The following MTSS1 variants were observed in gnomAD, a reference collection of about 807,000 sequenced individuals.
MTSS1 encodes protein MTSS 1.
MTSS1 carries 18 observed loss-of-function variants against 79.0 expected under a neutral mutation model. That is an observed-to-expected ratio of 0.23 (90% confidence interval 0.16 to 0.34). MTSS1 has a LOEUF of 0.34. Ranked by LOEUF, MTSS1 falls within the 10% of genes least tolerant of loss-of-function variation. The pLI is 1.00. For missense variants in MTSS1, 815 were observed against 986.2 expected, an observed-to-expected ratio of 0.83 and a Z score of 2.33; for synonymous variants, 341 against 368.6, an observed-to-expected ratio of 0.93 and a Z score of 0.86.
intron 3 of MTSS1, among the ~76,000 whole-genome samples, chr8:124,691,778 A>T (rs1224181817): frequency 6.6e-6 from 1 of 152,172 alleles, no homozygotes; most frequent in African/African-American, 2.4e-5. Flanking sequence ...TGCCTCCCAA[A>T]GCACTGGGAT....
chr8:124,653,128 C>T (rs1270217300), intron 3 of MTSS1, among the ~76,000 whole-genome samples: 3 of 152,194 alleles, frequency 2.0e-5, no homozygotes, highest in African/African-American at 7.2e-5. Context: ...AGGAGCTAGG[C>T]AGATGGGAAA....
chr8:124,623,225 A>T (rs1813961592), intron 3 of MTSS1, among the ~76,000 whole-genome samples: 1 of 152,194 alleles, frequency 6.6e-6, no homozygotes, highest in South Asian at 2.1e-4. Context: ...GAACTCACAC[A>T]CGTTTATCCT....
At chr8:124,565,893 A>T (rs4871501) in intron 8 of MTSS1, 134 bp from the exon 9 acceptor site, 356,595 of 545,248 alleles carry the variant, frequency 0.65, 118,032 homozygotes, top group Non-Finnish European at 0.67. Context: ...TGTTAAAAAA[A>T]TTTTTTTTAA....
chr8:124,678,348 G>C (rs199884231), intron 3 of MTSS1, among the ~76,000 whole-genome samples: 3 of 152,108 alleles, frequency 2.0e-5, no homozygotes, highest in African/African-American at 7.2e-5. Context: ...TTCTCAAATA[G>C]CCCCACCACT....
chr8:124,718,122 C>T (rs1239862430), intron 1 of MTSS1, among the ~76,000 whole-genome samples: 1 of 140,582 alleles, frequency 7.1e-6, no homozygotes, highest in East Asian at 1.9e-4. Flanking sequence ...GAACATAACC[C>T]ACTTTCTCAT....
In MTSS1 at chr8:124,704,197, A is replaced by G. The variant is rs536741161; in HGVS notation, c.73-6T>C. The G allele has an allele frequency of 2.5e-5, 41 of 1,613,698 alleles. No homozygotes were observed. In the South Asian group the frequency reaches 4.3e-4, roughly 17 times the overall value. ...TCCCAAACTGGATAGCTCCCCTGCA[A>G]CACATCAAAGACATCAGTAAGTCAC... On this transcript the variant is annotated splice_region_variant and splice_polypyrimidine_tract_variant and intron_variant, in intron 1 of 13. Transcript: ENST00000518547.
chr8:124,727,834 G>C lies in MTSS1; in HGVS notation c.72+50C>G. 1 of 1,486,166 alleles carries C rather than the reference G, an allele frequency of 6.7e-7. No homozygotes were observed. The highest frequency in any genetic ancestry group is 9.0e-7 in the Non-Finnish European group (1 of 1,113,266). 92.1% of individuals were successfully genotyped at this position (1,486,166 alleles called of 1,614,324 possible). A position where few individuals can be genotyped will look rare whatever the true frequency, so the allele number is the denominator to read the frequency against. The stretch of plus-strand genomic sequence containing the variant: ...CGGGGTGGAGGCGAAGCGCGGCGGC[G>C]AGGTCAGAGCGCGGCGGCCGGCGCC... On this transcript the variant is annotated intron_variant, in intron 1 of 13. Transcript: ENST00000518547. The surrounding 1 kb of genome is among the most constrained non-coding windows in gnomAD (Gnocchi z 4.7).
chr8:124,553,843 C>G lies in MTSS1; in HGVS notation c.1568-151G>C. ...GGCTTCTCTACCATCTTCAGAAAGC[C>G]TCACCAACTAAGAACTCCGTGGCAG... On this transcript the variant is annotated intron_variant, in intron 13 of 13. Transcript: ENST00000518547. This position sits in a 1 kb window ranked among gnomAD's most constrained non-coding sequence, Gnocchi z 6.0. The G allele has an allele frequency of 1.4e-6, 1 of 698,222 alleles. No individual in the cohort carries two copies. Among genetic ancestry groups the G allele is most frequent in the Non-Finnish European group, 2.3e-6 (1 of 428,214 alleles). 43.3% of individuals were successfully genotyped at this position (698,222 alleles called of 1,614,324 possible).
chr8:124,588,394 A>G (rs1221087028), intron 5 of MTSS1, among the ~76,000 whole-genome samples: 1 of 152,228 alleles, frequency 6.6e-6, no homozygotes, highest in Non-Finnish European at 1.5e-5. Flanking sequence ...AAAAAGCATC[A>G]GAATGACCTG....
intron 1 of MTSS1, among the ~76,000 whole-genome samples, chr8:124,711,133 G>T (rs141299733): frequency 1.3e-3 from 192 of 152,324 alleles, no homozygotes; most frequent in African/African-American, 4.4e-3. Context: ...ACTTTCTAAA[G>T]AGTTGCCAGG....
At chr8:124,558,763 TG>T in intron 10 of MTSS1, 1 of 1,581,780 alleles carries the variant, frequency 6.3e-7, no homozygotes, top group Non-Finnish European at 8.5e-7. Flanking sequence ...CTGACAGAGG[TG>T]GGGGAGCTGC....
At chr8:124,573,038 C>T (rs978102645) in intron 6 of MTSS1, among the ~76,000 whole-genome samples, 72 of 152,348 alleles carry the variant, frequency 4.7e-4, no homozygotes, top group African/African-American at 1.7e-3. Context: ...TGAGCCACCA[C>T]ACCCGGCTGT....
intron 6 of MTSS1, among the ~76,000 whole-genome samples, chr8:124,573,622 C>T (rs1191807352): frequency 6.6e-6 from 1 of 152,214 alleles, no homozygotes; most frequent in Non-Finnish European, 1.5e-5. Flanking sequence ...TGCTCACTGG[C>T]CTCAACCATC....
At position 124,661,301 on chromosome 8, in the gene MTSS1, G is replaced by A. The variant is rs139235775; in HGVS notation, c.208+38225C>T. 2.1e-3 allele frequency among the ~76,000 whole-genome samples: 317 copies of A among 151,702 alleles called. 1 individual carries two copies. The highest frequency in any genetic ancestry group is 6.8e-3 in the African/African-American group (282 of 41,354). On this transcript the variant is annotated intron_variant, in intron 3 of 13. Coordinates refer to ENST00000518547, the MANE Select transcript of MTSS1 (RefSeq NM_014751.6). ...CCCAGAAACAACACCAATGTTAGAC[G>A]TGTCCCTTTATTTTCTTCTAGGTTT...
At chr8:124,598,644 T>C (rs1833190921) in intron 3 of MTSS1, among the ~76,000 whole-genome samples, 1 of 152,202 alleles carries the variant, frequency 6.6e-6, no homozygotes. Flanking sequence ...AGGCAACACA[T>C]GTTCTCATAA....
chr8:124,644,817 G>A lies in MTSS1; in HGVS notation c.209-53582C>T, dbSNP rs187600488. On this transcript the variant is annotated intron_variant, in intron 3 of 13. Transcript: ENST00000518547. ...GGACATGGAGAAACCTAAGTCATCC[G>A]ATTATGATTCAGTATAAGAGGGCTT... is the stretch of plus-strand genomic sequence containing the variant. Among the ~76,000 whole-genome samples the A allele has an allele frequency of 4.9e-4, 64 of 131,932 alleles. No homozygotes were observed. In the East Asian group the frequency reaches 0.012, roughly 26 times the overall value. 86.6% of individuals were successfully genotyped at this position (131,932 alleles called of 152,430 possible).
intron 1 of MTSS1, among the ~76,000 whole-genome samples, chr8:124,710,095 C>T (rs1342664694): frequency 6.6e-6 from 1 of 152,224 alleles, no homozygotes; most frequent in Non-Finnish European, 1.5e-5. Context: ...CACTGACCAG[C>T]TCTCTCCAAG....
chr8:124,688,946 A>G (rs1345243058), intron 3 of MTSS1, among the ~76,000 whole-genome samples: 1 of 152,136 alleles, frequency 6.6e-6, no homozygotes, highest in Non-Finnish European at 1.5e-5. Flanking sequence ...AAAAAAAAAA[A>G]TCCTGTATCT....
chr8:124,626,583 G>C (rs184851833), intron 3 of MTSS1, among the ~76,000 whole-genome samples: 116 of 152,218 alleles, frequency 7.6e-4, no homozygotes, highest in African/African-American at 2.4e-3. Flanking sequence ...TGGGCTGGAG[G>C]GGGGCAGAGT....
Sources: allele counts gnomAD v4.1 joint callset (sites outside exome capture counted in the v4.1 genomes callset), GRCh38; gene constraint gnomAD v4.1.1; non-coding constraint Gnocchi (gnomAD v3.1); transcripts MANE v1.5; gene names NCBI Gene and HGNC (gene_info 2026-07-23, HGNC 2026-07-21).